Variants in ESF1 observed in about 807,000 individuals in gnomAD.
ESF1 encodes ESF1 nucleolar pre-rRNA processing protein.
In ESF1, 58 loss-of-function variants were observed where a neutral mutation model predicts 92.0. The observed-to-expected ratio is 0.63, with a 90% CI of 0.51 to 0.78. The LOEUF is 0.78. Among genes scored for constraint, ESF1 ranks in the 30% least tolerant of loss-of-function variants. The pLI is 0.00. For synonymous variants in ESF1, 321 were observed against 313.7 expected (o/e 1.02, Z -0.24); for missense variants, 922 against 989.1 (o/e 0.93, Z 0.91).
chr20:13,774,698 G>C (rs1437224874), intron 4 of ESF1, among the ~76,000 whole-genome samples: 1 of 152,150 alleles, frequency 6.6e-6, no homozygotes, highest in Non-Finnish European at 1.5e-5. Flanking sequence ...TATTAGGTTG[G>C]CTTGAAATAT....
intron 11 of ESF1, among the ~76,000 whole-genome samples, chr20:13,720,839 G>T (rs6134962): frequency 0.1 from 15,551 of 152,172 alleles, 1,226 homozygotes; most frequent in East Asian, 0.41. Flanking sequence ...AACAAGAAAC[G>T]GCTGGGCGCA....
intron 9 of ESF1, among the ~76,000 whole-genome samples, chr20:13,736,518 T>C (rs1363854744): frequency 1.3e-5 from 2 of 152,218 alleles, no homozygotes; most frequent in Non-Finnish European, 2.9e-5. Flanking sequence ...TCACCTTCTT[T>C]AGTATTTCAT....
intron 11 of ESF1, among the ~76,000 whole-genome samples, chr20:13,727,815 A>G (rs1002343740): frequency 6.6e-6 from 1 of 152,212 alleles, no homozygotes; most frequent in African/African-American, 2.4e-5. Context: ...CTTTCTAGCT[A>G]TAATTAAGCA....
chr20:13,752,902 A>G (rs2147754425), intron 9 of ESF1, among the ~76,000 whole-genome samples: 1 of 152,212 alleles, frequency 6.6e-6, no homozygotes, highest in Admixed American at 6.5e-5. Flanking sequence ...AGGAGTCAAA[A>G]AGGGACTCCT....
At chr20:13,723,047 G>C (rs1238907973) in intron 11 of ESF1, among the ~76,000 whole-genome samples, 3 of 152,094 alleles carry the variant, frequency 2.0e-5, no homozygotes, top group African/African-American at 7.2e-5. Flanking sequence ...ATACATCCAT[G>C]GAAAAAGATA....
intron 11 of ESF1, among the ~76,000 whole-genome samples, chr20:13,720,405 GATATA>G (rs1600263768): frequency 1.3e-5 from 2 of 152,114 alleles, no homozygotes; most frequent in Admixed American, 6.5e-5. Context: ...CCCTAGATGT[GATATA>G]ATATGAAAGA....
At chr20:13,740,862 G>A (rs971785563) in intron 9 of ESF1, among the ~76,000 whole-genome samples, 2 of 152,072 alleles carry the variant, frequency 1.3e-5, no homozygotes, top group Non-Finnish European at 2.9e-5. Flanking sequence ...TTCCTGACTT[G>A]CACAGGAGTC....
At chr20:13,751,171 T>C (rs1271523854) in intron 9 of ESF1, among the ~76,000 whole-genome samples, 4 of 152,192 alleles carry the variant, frequency 2.6e-5, no homozygotes, top group African/African-American at 9.7e-5. Flanking sequence ...TATGAATGAG[T>C]TCTGTCAAAA....
At chr20:13,769,425 T>C (rs921709561) in intron 7 of ESF1, among the ~76,000 whole-genome samples, 4 of 152,182 alleles carry the variant, frequency 2.6e-5, no homozygotes, top group African/African-American at 9.7e-5. Context: ...GAAAACAGGT[T>C]CACAGATATG....
At chr20:13,772,291 T>C (rs1979723946) in intron 5 of ESF1, among the ~76,000 whole-genome samples, 1 of 151,584 alleles carries the variant, frequency 6.6e-6, no homozygotes, top group South Asian at 2.1e-4. Flanking sequence ...TTTCAAAAAC[T>C]GCAATAATTA....
chr20:13,733,977 C>G, intron 9 of ESF1, 135 bp from the exon 10 acceptor site: 1 of 1,036,138 alleles, frequency 9.7e-7, no homozygotes, highest in Non-Finnish European at 1.3e-6. Flanking sequence ...TGGTAAATAT[C>G]TGTAATACCC....
At chr20:13,764,067 T>C (rs1407546142) in intron 8 of ESF1, among the ~76,000 whole-genome samples, 1 of 152,200 alleles carries the variant, frequency 6.6e-6, no homozygotes, top group Non-Finnish European at 1.5e-5. Flanking sequence ...ATTTTAGGAT[T>C]TAATTAATTT....
rs752221606 is a variant in ESF1 at position 13,717,525 on chromosome 20, C to CA, written c.2116-12dup. 9 of 1,603,608 alleles carry CA rather than the reference C, an allele frequency of 5.6e-6. No individual in the cohort carries two copies. Among genetic ancestry groups the CA allele is most frequent in the African/African-American group, 2.7e-5 (2 of 73,904 alleles). The stretch of plus-strand genomic sequence containing the variant: ...CAAAGCCATTTCAGCCTGTAGAGAG[C>CA]AAAAAAAAGTTCAAATGTACAACAG... On this transcript the variant is annotated splice_polypyrimidine_tract_variant and intron_variant, in intron 12 of 13. Coordinates refer to ENST00000617257, the MANE Select transcript of ESF1 (RefSeq NM_001276380.2).
chr20:13,741,726 T>A (rs1300535582), intron 9 of ESF1, among the ~76,000 whole-genome samples: 1 of 151,796 alleles, frequency 6.6e-6, no homozygotes, highest in Non-Finnish European at 1.5e-5. Context: ...CAAAAAAGAG[T>A]TTCTTAGATA....
At position 13,779,600 on chromosome 20, in the gene ESF1, T is replaced by A. The variant is rs368985770; in HGVS notation, c.637+2904A>T. 2.0e-5 allele frequency among the ~76,000 whole-genome samples: 3 copies of A among 152,250 alleles called. No homozygotes were observed. In the South Asian group the frequency reaches 6.2e-4, roughly 31 times the overall value. The stretch of plus-strand genomic sequence containing the variant: ...CCCAGGCTGGAGTGCAGTGGCACGA[T>A]CTTGGCTCACTGCAACCTCTACCTC... On this transcript the variant is annotated intron_variant, in intron 2 of 13. Transcript: ENST00000617257.
chr20:13,761,193 AAG>A (rs1184711802), intron 8 of ESF1, among the ~76,000 whole-genome samples: 3 of 152,110 alleles, frequency 2.0e-5, no homozygotes, highest in African/African-American at 7.2e-5. Flanking sequence ...CATGCTCATT[AAG>A]AGTCATCACC....
chr20:13,775,072 A>T (rs553761684), intron 4 of ESF1, 85 bp downstream of exon 4: 2 of 861,370 alleles, frequency 2.3e-6, no homozygotes, highest in African/African-American at 2.0e-5. Flanking sequence ...CTAAAAAGGA[A>T]AACTATGGCC....
At chr20:13,725,475 A>G (rs536379557) in intron 11 of ESF1, among the ~76,000 whole-genome samples, 4 of 152,098 alleles carry the variant, frequency 2.6e-5, no homozygotes, top group Non-Finnish European at 5.9e-5. Context: ...CTTGGTCTCT[A>G]CTTCCTTACC....
intron 11 of ESF1, among the ~76,000 whole-genome samples, chr20:13,719,943 A>T (rs1402448914): frequency 3.9e-5 from 6 of 152,186 alleles, no homozygotes; most frequent in African/African-American, 1.4e-4. Flanking sequence ...TGAACTTTCT[A>T]GCTCTATTAC....
Sources: allele counts gnomAD v4.1 joint callset (sites outside exome capture counted in the v4.1 genomes callset), GRCh38; gene constraint gnomAD v4.1.1; transcripts MANE v1.5; gene names NCBI Gene and HGNC (gene_info 2026-07-23, HGNC 2026-07-21).